SYNE1: variants seen among roughly 807,000 people sequenced by gnomAD.
The protein encoded by SYNE1 is spectrin repeat containing nuclear envelope protein 1.
In SYNE1, 616 loss-of-function variants were observed where a neutral mutation model predicts 1,111.0. The observed-to-expected ratio is 0.55, with a 90% CI of 0.52 to 0.59. The LOEUF (loss-of-function observed/expected upper bound fraction) is 0.59, where lower values mean the gene tolerates loss of function less well. Among genes scored for constraint, SYNE1 ranks in the 20% least tolerant of loss-of-function variants. SYNE1 has a pLI of 0.00. For missense variants in SYNE1, 10,006 were observed against 10,417.0 expected (o/e 0.96, Z 1.72); for synonymous variants, 3,855 against 3,825.8 (o/e 1.01, Z -0.28).
intron 119 of SYNE1, among the ~76,000 whole-genome samples, chr6:152,219,699 C>T (rs1273622560): frequency 6.6e-6 from 1 of 152,188 alleles, no homozygotes; most frequent in Non-Finnish European, 1.5e-5. Flanking sequence ...GTACAGCAAC[C>T]TCCTATCTCA....
intron 63 of SYNE1, chr6:152,363,848 G>T (rs897553739): frequency 6.8e-6 from 3 of 442,912 alleles, no homozygotes; most frequent in African/African-American, 2.0e-5. Flanking sequence ...CCCTGCCCTT[G>T]GATGGGATAA....
intron 59 of SYNE1, among the ~76,000 whole-genome samples, 167 bp from the exon 60 acceptor site, chr6:152,369,781 A>C (rs1340097215): frequency 1.3e-5 from 2 of 152,016 alleles, no homozygotes; most frequent in African/African-American, 4.8e-5. Flanking sequence ...TCAGGAGTTC[A>C]AGACCAGCCT....
intron 101 of SYNE1, among the ~76,000 whole-genome samples, chr6:152,257,710 G>A (rs1311703359): frequency 1.3e-5 from 2 of 152,022 alleles, no homozygotes; most frequent in Non-Finnish European, 2.9e-5. Context: ...CAGATGAAAA[G>A]TAAATCCAAA....
Position 152,224,174 on chromosome 6 carries a change from A to T in SYNE1, c.21522+320T>A, listed in dbSNP as rs543319482. Among the ~76,000 whole-genome samples, 3 of 152,324 alleles carry T rather than the reference A, an allele frequency of 2.0e-5. No homozygotes were observed. The South Asian group carries it at 6.2e-4, about 32-fold the overall frequency. Reference sequence around the variant, plus strand: ...TTGGAGATGCAGATAAGAAGAGAAAAGGAAGACAAAAGGCAGTGACAATGA... The same window carrying T: ...TTGGAGATGCAGATAAGAAGAGAAATGGAAGACAAAAGGCAGTGACAATGA... On this transcript the variant is annotated intron_variant, in intron 117 of 145. Coordinates refer to ENST00000367255, the MANE Select transcript of SYNE1 (RefSeq NM_182961.4).
At chr6:152,605,059 AGGG>A (rs2099610549) in intron 3 of SYNE1, among the ~76,000 whole-genome samples, 3 of 45,192 alleles carry the variant, frequency 6.6e-5, no homozygotes, top group Admixed American at 2.5e-4. Flanking sequence ...GGAGGGAGGG[AGGG>A]AGGGAGGGAG....
chr6:152,407,446 T>C (rs1389282405), intron 44 of SYNE1, among the ~76,000 whole-genome samples: 1 of 152,236 alleles, frequency 6.6e-6, no homozygotes, highest in Non-Finnish European at 1.5e-5. Flanking sequence ...ATTGGGATAC[T>C]AACAACAACA....
At chr6:152,544,293 G>T (rs1054917992) in intron 3 of SYNE1, among the ~76,000 whole-genome samples, 3 of 152,128 alleles carry the variant, frequency 2.0e-5, no homozygotes, top group Non-Finnish European at 2.9e-5. Flanking sequence ...GGTAGAATTG[G>T]TTCACATTCT....
In SYNE1 at chr6:152,180,282, G is replaced by A. The variant is rs373935459; in HGVS notation, c.23314C>T (p.Arg7772Trp). The change falls in exon 129 of 146, where the codon CGG becomes TGG. Residue 7772 changes from arginine to tryptophan, a missense_variant. By Grantham distance (101) the Arg-to-Trp change is moderately radical. This residue lies in a region of SYNE1 where 2,182 missense variants were observed against 2,287.8 expected (regional missense o/e 0.95). Coordinates refer to ENST00000367255, the MANE Select transcript of SYNE1 (RefSeq NM_182961.4). ...EELCHQLSLR[R>W]QQIGERLNEW... is the part of the protein sequence containing the mutation. The stretch of plus-strand genomic sequence containing the variant: ...TTCAATCTTTCACCTATTTGCTGCC[G>A]CCTTAAGGAGAGCTGAAAAGTTTAA... 9.3e-5 allele frequency: 150 copies of A among 1,613,976 alleles called. 1 individual carries two copies. Among genetic ancestry groups the A allele is most frequent in the Non-Finnish European group, 1.2e-4 (140 of 1,179,974 alleles).
intron 84 of SYNE1, 123 bp downstream of exon 84, chr6:152,321,115 G>A: frequency 3.8e-6 from 4 of 1,046,326 alleles, no homozygotes; most frequent in Non-Finnish European, 5.6e-6. Flanking sequence ...TTGTTTTATA[G>A]CCATCTATTT....
intron 58 of SYNE1, chr6:152,376,128 T>C (rs1440186772): frequency 2.2e-6 from 1 of 460,406 alleles, no homozygotes; most frequent in Non-Finnish European, 4.0e-6. Context: ...CACAGCCTAG[T>C]TCCTCTGTGT....
At chr6:152,410,700 C>T (rs2098018083) in intron 42 of SYNE1, among the ~76,000 whole-genome samples, 1 of 152,176 alleles carries the variant, frequency 6.6e-6, no homozygotes, top group Non-Finnish European at 1.5e-5. Context: ...CACTGTGCTC[C>T]AGCCTGGGCG....
chr6:152,592,279 G>C (rs2099569192), intron 3 of SYNE1, among the ~76,000 whole-genome samples: 1 of 152,094 alleles, frequency 6.6e-6, no homozygotes, highest in Non-Finnish European at 1.5e-5. Context: ...GTTCCTTGCT[G>C]TACCATTCAC....
intron 14 of SYNE1, 64 bp from the exon 15 acceptor site, chr6:152,472,477 T>A: frequency 6.9e-7 from 1 of 1,455,408 alleles, no homozygotes; most frequent in East Asian, 2.3e-5. Context: ...CTAAGAAGCA[T>A]AATTTCCAGC....
chr6:152,452,016 A>T lies in SYNE1; in HGVS notation c.3028-811T>A, dbSNP rs548596170. Among the ~76,000 whole-genome samples, 579 of 152,110 alleles carry T rather than the reference A, an allele frequency of 3.8e-3. 13 individuals are homozygous for T. The highest frequency in any genetic ancestry group is 4.9e-4 in the Non-Finnish European group (33 of 67,986). ...AAAAAAGTTTTAAAAAGAAAAGAAA[A>T]AAAAAAAGAAAACATAGCCCAGGCT... On this transcript the variant is annotated intron_variant, in intron 25 of 145. Transcript: ENST00000367255.
rs112169808 is a variant in SYNE1 at position 152,540,207 on chromosome 6, T to TA, written c.68-187dup. On this transcript the variant is annotated intron_variant, in intron 3 of 145. Coordinates refer to ENST00000367255, the MANE Select transcript of SYNE1 (RefSeq NM_182961.4). ...TACATAATCATATAGACTATTCCTT[T>TA]AAAAATTATCTGCAAATGCTTTAAA... is the stretch of plus-strand genomic sequence containing the variant. Among the ~76,000 whole-genome samples the TA allele has an allele frequency of 0.083, 12,678 of 152,214 alleles. 1,796 individuals carry two copies. Among genetic ancestry groups the TA allele is most frequent in the African/African-American group, 0.29 (11,885 of 41,466 alleles).
intron 119 of SYNE1, among the ~76,000 whole-genome samples, chr6:152,220,021 A>G (rs1474691058): frequency 6.6e-6 from 1 of 152,248 alleles, no homozygotes; most frequent in East Asian, 1.9e-4. Flanking sequence ...GTGTATTTCA[A>G]TTCAGGAGTA....
At chr6:152,534,170 A>AATG (rs1564693542) in intron 4 of SYNE1, among the ~76,000 whole-genome samples, 173 of 146,194 alleles carry the variant, frequency 1.2e-3, no homozygotes, top group African/African-American at 4.3e-3. Context: ...AAAAATAAAT[A>AATG]AATGAATGAA....
chr6:152,301,977 G>A lies in SYNE1; in HGVS notation c.17433C>T (p.His5811=). ...KCKMLTMKAK[H]ATMLLTVTEV... is the part of the protein sequence containing the mutation. Reference sequence around the variant, plus strand: ...CGGTCACCGTCAGCAGCATGGTGGCGTGCTTGGCTTTCATCGTCAGCATCT... The same window carrying A: ...CGGTCACCGTCAGCAGCATGGTGGCATGCTTGGCTTTCATCGTCAGCATCT... Residue 5811 remains histidine, a synonymous_variant, in exon 92 of 146, where the codon CAC becomes CAT. Coordinates refer to ENST00000367255, the MANE Select transcript of SYNE1 (RefSeq NM_182961.4). The A allele has an allele frequency of 3.7e-6, 6 of 1,614,254 alleles. No individual in the cohort carries two copies. Among genetic ancestry groups the A allele is most frequent in the African/African-American group, 1.3e-5 (1 of 75,070 alleles).
intron 3 of SYNE1, among the ~76,000 whole-genome samples, chr6:152,548,535 T>C (rs550283190): frequency 2.6e-5 from 4 of 152,302 alleles, no homozygotes; most frequent in African/African-American, 7.2e-5. Flanking sequence ...CTCTTTTTAG[T>C]TAACGGGTCT....
Sources: allele counts gnomAD v4.1 joint callset (sites outside exome capture counted in the v4.1 genomes callset), GRCh38; gene constraint gnomAD v4.1.1; regional missense constraint gnomAD v4.1.1; transcripts MANE v1.5; gene names NCBI Gene and HGNC (gene_info 2026-07-23, HGNC 2026-07-21).